The following MAP3K19 variants were observed in gnomAD, a reference collection of about 807,000 sequenced individuals.
The protein encoded by MAP3K19 is mitogen-activated protein kinase kinase kinase 19.
MAP3K19 carries 91 observed loss-of-function variants against 114.4 expected under a neutral mutation model. The observed-to-expected ratio is 0.80, with a 90% CI of 0.67 to 0.95. The LOEUF (loss-of-function observed/expected upper bound fraction) is 0.95, where lower values mean the gene tolerates loss of function less well. Among genes scored for constraint, MAP3K19 ranks in the 40% least tolerant of loss-of-function variants. The probability of loss-of-function intolerance (pLI) is 0.00; values close to 1 mark genes in which losing one functional copy is unlikely to be tolerated. For synonymous variants in MAP3K19, 518 were observed against 530.5 expected (o/e 0.98, Z 0.32); for missense variants, 1,471 against 1,573.2 (o/e 0.94, Z 1.10).
rs760386140 is a variant in MAP3K19, at chr2:135,021,822, C to A, written c.31G>T (p.Ala11Ser). 7 of 1,591,648 alleles carry A rather than the reference C, an allele frequency of 4.4e-6. No homozygotes were observed. The highest frequency in any genetic ancestry group is 8.6e-7 in the Non-Finnish European group (1 of 1,166,464). ...TGACAAATGTCAAGCAATGACTCAG[C>A]ATGTCTTTCTATCAAAAGAAACATA... MSSMPKPERH[A>S]ESLLDICHDT... is the part of the protein sequence containing the mutation. The change falls in exon 5 of 13, where the codon GCT becomes TCT. Residue 11 changes from alanine to serine, a missense_variant. Physicochemically the swap from Ala to Ser is moderately conservative, Grantham distance 99. Transcript: ENST00000392915.
intron 10 of MAP3K19, among the ~76,000 whole-genome samples, chr2:134,984,678 C>T (rs1185486046): frequency 1.3e-5 from 2 of 152,120 alleles, no homozygotes; most frequent in African/African-American, 2.4e-5. Flanking sequence ...CCTGGCTGGG[C>T]GCCGTGGCTC....
chr2:135,011,275 C>A (rs926286690), intron 5 of MAP3K19, among the ~76,000 whole-genome samples: 18 of 152,096 alleles, frequency 1.2e-4, no homozygotes, highest in Admixed American at 1.0e-3. Context: ...CGGTGGCTCA[C>A]GCCTGTTATC....
intron 12 of MAP3K19, among the ~76,000 whole-genome samples, chr2:134,967,618 T>C (rs1263808659): frequency 1.3e-5 from 2 of 152,238 alleles, no homozygotes; most frequent in Non-Finnish European, 1.5e-5. Flanking sequence ...TCATAGTACC[T>C]TCCCTTGAAC....
At chr2:135,029,282 G>A (rs1457524938) in intron 3 of MAP3K19, among the ~76,000 whole-genome samples, 1 of 152,132 alleles carries the variant, frequency 6.6e-6, no homozygotes, top group Non-Finnish European at 1.5e-5. Flanking sequence ...AGGCTGAGGT[G>A]GGAGAATGGC....
At chr2:135,025,226 C>CAGCT (rs1430480206) in intron 3 of MAP3K19, among the ~76,000 whole-genome samples, 1 of 151,902 alleles carries the variant, frequency 6.6e-6, no homozygotes, top group Non-Finnish European at 1.5e-5. Flanking sequence ...CTAATGCTAA[C>CAGCT]AGCTAGCTCT....
intron 4 of MAP3K19, among the ~76,000 whole-genome samples, chr2:135,022,692 G>C (rs534412461): frequency 1.9e-4 from 29 of 152,230 alleles, no homozygotes; most frequent in African/African-American, 7.0e-4. Flanking sequence ...AATTTAGATC[G>C]CTCAAACTTT....
At chr2:134,989,788 T>C (rs1448997846) in intron 9 of MAP3K19, among the ~76,000 whole-genome samples, 1 of 151,846 alleles carries the variant, frequency 6.6e-6, no homozygotes, top group African/African-American at 2.4e-5. Context: ...AAAGACAAAT[T>C]AAAATATGTC....
intron 6 of MAP3K19, among the ~76,000 whole-genome samples, chr2:135,003,504 G>GA (rs1559170691): frequency 6.6e-6 from 1 of 151,650 alleles, no homozygotes; most frequent in Non-Finnish European, 1.5e-5. Context: ...TCAATTTCTA[G>GA]TCTATAAGAT....
chr2:134,997,349 T>C (rs1573979468), intron 8 of MAP3K19, among the ~76,000 whole-genome samples: 1 of 152,088 alleles, frequency 6.6e-6, no homozygotes, highest in Non-Finnish European at 1.5e-5. Context: ...GTGGGAAATA[T>C]AGAGTTATTG....
At chr2:134,983,287 A>G (rs1684838195) in intron 11 of MAP3K19, 1 of 539,362 alleles carries the variant, frequency 1.9e-6, no homozygotes. Flanking sequence ...CCAGTAACAT[A>G]TTCAGCTGTT....
In MAP3K19 at chr2:134,983,736, C is replaced by G. The variant is rs375382503; in HGVS notation, c.3162G>C (p.Lys1054Asn). ...EKKIFSENSL[K>N]SEEPILWTKG... is the part of the protein sequence containing the mutation. ...TGGTCCATAGGATAGGTTCTTCAGA[C>G]TTTAAACTATTTTCAGAAAATATCT... The change falls in exon 11 of 13, where the codon AAG (lysine) becomes AAC (asparagine). Residue 1054 changes from lysine to asparagine, a missense_variant. Transcript: ENST00000392915. The G allele has an allele frequency of 1.9e-6, 3 of 1,606,864 alleles. No homozygotes were observed. The highest frequency in any genetic ancestry group is 2.5e-6 in the Non-Finnish European group (3 of 1,177,694).
At chr2:134,982,613 G>T (rs1348497598) in intron 11 of MAP3K19, among the ~76,000 whole-genome samples, 1 of 151,904 alleles carries the variant, frequency 6.6e-6, no homozygotes, top group South Asian at 2.1e-4. Flanking sequence ...GCCTCCCAAA[G>T]TTCTGGGATT....
At chr2:135,033,494 A>G (rs1202071129) in intron 2 of MAP3K19, among the ~76,000 whole-genome samples, 7 of 96,050 alleles carry the variant, frequency 7.3e-5, no homozygotes, top group South Asian at 4.5e-4. Flanking sequence ...GGCCGGGCAG[A>G]GGGGCTCCTC....
chr2:134,966,169 G>A (rs563782737), intron 12 of MAP3K19, among the ~76,000 whole-genome samples: 82 of 152,292 alleles, frequency 5.4e-4, no homozygotes, highest in Non-Finnish European at 9.8e-4. Context: ...TTGTTATTGT[G>A]AATAGTGCTG....
At chr2:135,037,470 A>C (rs4953947) in intron 2 of MAP3K19, among the ~76,000 whole-genome samples, 40,315 of 151,976 alleles carry the variant, frequency 0.27, 7,207 homozygotes, top group African/African-American at 0.49. Flanking sequence ...TTGGTCCCAG[A>C]CTCTGTTGGT....
chr2:134,983,346 G>C, intron 11 of MAP3K19: 1 of 573,946 alleles, frequency 1.7e-6, no homozygotes, highest in Middle Eastern at 3.0e-4. Flanking sequence ...GAGGATGAGA[G>C]GTTAGAAATG....
intron 5 of MAP3K19, among the ~76,000 whole-genome samples, chr2:135,016,957 T>C (rs528378896): frequency 3.3e-5 from 5 of 152,340 alleles, no homozygotes; most frequent in South Asian, 4.1e-4. Context: ...TGAAAACTCA[T>C]ATCATTTGGT....
chr2:135,029,098 C>T (rs1236917747), intron 3 of MAP3K19, among the ~76,000 whole-genome samples: 2 of 152,178 alleles, frequency 1.3e-5, no homozygotes, highest in Non-Finnish European at 2.9e-5. Flanking sequence ...TTGGGCCGGG[C>T]GCAGTGGCTC....
intron 3 of MAP3K19, among the ~76,000 whole-genome samples, chr2:135,029,434 C>A (rs1221353538): frequency 1.3e-5 from 2 of 152,124 alleles, no homozygotes; most frequent in African/African-American, 4.8e-5. Flanking sequence ...GCTGGAAACA[C>A]CATTAAGTAA....
Sources: allele counts gnomAD v4.1 joint callset (sites outside exome capture counted in the v4.1 genomes callset), GRCh38; gene constraint gnomAD v4.1.1; transcripts MANE v1.5; gene names NCBI Gene and HGNC (gene_info 2026-07-23, HGNC 2026-07-21).